The following MYO1D variants were observed in gnomAD, a reference collection of about 807,000 sequenced individuals.
MYO1D encodes the protein unconventional myosin-Id.
MYO1D carries 83 observed loss-of-function variants against 122.0 expected under a neutral mutation model. The observed-to-expected ratio is 0.68, with a 90% confidence interval of 0.57 to 0.82. The LOEUF is 0.82. MYO1D is among the 40% of genes least tolerant of loss of function. The probability of loss-of-function intolerance (pLI) is 0.00; values close to 1 mark genes in which losing one functional copy is unlikely to be tolerated. For synonymous variants in MYO1D, 464 were observed against 446.9 expected (o/e 1.04, Z -0.48); for missense variants, 1,157 against 1,269.5 (o/e 0.91, Z 1.35).
intron 6 of MYO1D, among the ~76,000 whole-genome samples, chr17:32,770,811 T>C (rs1450733037): frequency 6.6e-6 from 1 of 152,190 alleles, no homozygotes; most frequent in Admixed American, 6.5e-5. Context: ...GTAGGCTTCC[T>C]AGTCCTATCA....
intron 16 of MYO1D, among the ~76,000 whole-genome samples, chr17:32,675,998 C>T (rs1385435427): frequency 6.6e-6 from 1 of 152,144 alleles, no homozygotes; most frequent in Non-Finnish European, 1.5e-5. Flanking sequence ...TTGCAGTACT[C>T]AAATATGAAA....
In MYO1D at chr17:32,659,290, C is replaced by A; in HGVS notation, c.2170G>T (p.Ala724Ser). 6.2e-7 allele frequency: 1 copy of A among 1,614,232 alleles called. No individual in the cohort carries two copies. The highest frequency in any genetic ancestry group is 8.5e-7 in the Non-Finnish European group (1 of 1,180,048). ...ARMRYKRTKA[A>S]LTIIRYYRRY... ...CGGTAGTACCTGATTATTGTCAGAG[C>A]TGCCTTGGTTCTTTTGTACCGCATG... The change falls in exon 17 of 22, where the codon GCT (alanine) becomes TCT (serine). Residue 724 changes from alanine to serine, a missense_variant. By Grantham distance (99) the Ala-to-Ser change is moderately conservative (BLOSUM62 1). Coordinates refer to ENST00000318217, the MANE Select transcript of MYO1D (RefSeq NM_015194.3).
intron 14 of MYO1D, among the ~76,000 whole-genome samples, chr17:32,724,359 C>A (rs552642368): frequency 6.6e-6 from 1 of 152,104 alleles, no homozygotes; most frequent in South Asian, 2.1e-4. Flanking sequence ...AATGAAGATA[C>A]GGGGGCTTTC....
intron 1 of MYO1D, among the ~76,000 whole-genome samples, chr17:32,781,834 A>G (rs2090242591): frequency 6.6e-6 from 1 of 152,212 alleles, no homozygotes; most frequent in Non-Finnish European, 1.5e-5. Context: ...TATAAAATTC[A>G]GAAAACCCAT....
chr17:32,711,333 T>G (rs1489126384), intron 16 of MYO1D, among the ~76,000 whole-genome samples: 1 of 152,056 alleles, frequency 6.6e-6, no homozygotes, highest in Admixed American at 6.6e-5. Context: ...TTGGCAACAT[T>G]TTTTACTTAC....
At chr17:32,826,897 T>C (rs1434838428) in intron 1 of MYO1D, among the ~76,000 whole-genome samples, 1 of 152,170 alleles carries the variant, frequency 6.6e-6, no homozygotes, top group African/African-American at 2.4e-5. Flanking sequence ...TATCAGTATA[T>C]TAGGAAACAT....
intron 21 of MYO1D, among the ~76,000 whole-genome samples, chr17:32,554,135 A>G (rs1567887983): frequency 1.3e-5 from 2 of 152,078 alleles, no homozygotes; most frequent in Non-Finnish European, 2.9e-5. Flanking sequence ...GCCTCTGTTC[A>G]ATATGTTCTT....
At chr17:32,660,803 ATGGC>A (rs2088554056) in intron 16 of MYO1D, among the ~76,000 whole-genome samples, 1 of 152,202 alleles carries the variant, frequency 6.6e-6, no homozygotes, top group Non-Finnish European at 1.5e-5. Flanking sequence ...CACTGTACAG[ATGGC>A]TTTGTTACGC....
At chr17:32,659,976 TAA>T (rs2088538906) in intron 16 of MYO1D, among the ~76,000 whole-genome samples, 1 of 152,232 alleles carries the variant, frequency 6.6e-6, no homozygotes, top group African/African-American at 2.4e-5. Flanking sequence ...CCAAGCATGG[TAA>T]AGTCAGAGAT....
intron 15 of MYO1D, among the ~76,000 whole-genome samples, chr17:32,719,812 T>C (rs9901111): frequency 0.91 from 138,691 of 152,282 alleles, 63,322 homozygotes; most frequent in African/African-American, 0.94. Context: ...TTACAAAGTT[T>C]GACATGATTT....
At position 32,562,265 on chromosome 17, in the gene MYO1D, T is replaced by C. The variant is rs184145765; in HGVS notation, c.2864+42822A>G. Among the ~76,000 whole-genome samples, 65 of 152,166 alleles carry C rather than the reference T, an allele frequency of 4.3e-4. No homozygotes were observed. In the East Asian group the frequency reaches 8.9e-3, roughly 21 times the overall value. ...TTTGAAATTGTGACCACAATCAGAATATAATATTACACACATAAAAAAACT... is the reference window on the plus strand; with the variant it reads ...TTTGAAATTGTGACCACAATCAGAACATAATATTACACACATAAAAAAACT... On this transcript the variant is annotated intron_variant, in intron 21 of 21. Coordinates refer to ENST00000318217, the MANE Select transcript of MYO1D (RefSeq NM_015194.3).
intron 21 of MYO1D, among the ~76,000 whole-genome samples, chr17:32,520,496 C>A (rs1910096978): frequency 6.6e-6 from 1 of 152,344 alleles, no homozygotes; most frequent in East Asian, 1.9e-4. Context: ...AAAGTCCCAC[C>A]TTTATGACAT....
At chr17:32,710,393 G>C (rs773731743) in intron 16 of MYO1D, among the ~76,000 whole-genome samples, 1 of 152,148 alleles carries the variant, frequency 6.6e-6, no homozygotes, top group South Asian at 2.1e-4. Flanking sequence ...TCACCATATG[G>C]AGAAAAATAA....
chr17:32,705,802 T>A lies in MYO1D; in HGVS notation c.2121+6186A>T, dbSNP rs183056652. ...GGGAGGGACCCAAGTGGGAGGTAAT[T>A]GAGTCATAGGGGCAGTTTCCCCCAT... is the stretch of plus-strand genomic sequence containing the variant. On this transcript the variant is annotated intron_variant, in intron 16 of 21. Transcript: ENST00000318217. Among the ~76,000 whole-genome samples, 374 of 152,292 alleles carry A rather than the reference T, an allele frequency of 2.5e-3. 2 individuals are homozygous for A. The highest frequency in any genetic ancestry group is 8.8e-3 in the African/African-American group (365 of 41,556).
intron 16 of MYO1D, among the ~76,000 whole-genome samples, chr17:32,694,745 CTT>C (rs1357330881): frequency 7.1e-6 from 1 of 140,806 alleles, no homozygotes; most frequent in African/African-American, 2.6e-5. Flanking sequence ...TTTGCTACTT[CTT>C]TTGTTTCTCT....
chr17:32,791,948 T>G (rs1174878544), intron 1 of MYO1D, among the ~76,000 whole-genome samples: 3 of 152,248 alleles, frequency 2.0e-5, no homozygotes, highest in Non-Finnish European at 4.4e-5. Flanking sequence ...AGTTGTTGTT[T>G]TTGAATGAAT....
At chr17:32,586,589 T>C (rs1050864574) in intron 21 of MYO1D, among the ~76,000 whole-genome samples, 10 of 152,192 alleles carry the variant, frequency 6.6e-5, no homozygotes, top group African/African-American at 2.4e-4. Context: ...TTAAGAAAAA[T>C]TGTGTTAGTT....
At chr17:32,751,735 C>T (rs1318590597) in intron 11 of MYO1D, among the ~76,000 whole-genome samples, 1 of 152,084 alleles carries the variant, frequency 6.6e-6, no homozygotes, top group East Asian at 1.9e-4. Context: ...TGAAAGATCT[C>T]TACAAGGAGA....
At chr17:32,497,423 T>C (rs1909160116) in intron 21 of MYO1D, among the ~76,000 whole-genome samples, 1 of 152,104 alleles carries the variant, frequency 6.6e-6, no homozygotes, top group Non-Finnish European at 1.5e-5. Flanking sequence ...TGCCACTGCA[T>C]TCCAGCCTGG....
Sources: allele counts gnomAD v4.1 joint callset (sites outside exome capture counted in the v4.1 genomes callset), GRCh38; gene constraint gnomAD v4.1.1; transcripts MANE v1.5; gene names NCBI Gene and HGNC (gene_info 2026-07-23, HGNC 2026-07-21).